NEXN: variants seen among roughly 807,000 people sequenced by gnomAD.
NEXN encodes nexilin.
In NEXN, 65 loss-of-function variants were observed where a neutral mutation model predicts 92.6. The ratio of observed to expected loss-of-function variants is 0.70; its 90% CI spans 0.57 to 0.86. The LOEUF is 0.86. Among genes scored for constraint, NEXN ranks in the 40% least tolerant of loss-of-function variants. The pLI, the probability that NEXN is intolerant of heterozygous loss-of-function variation, is 0.00. For missense variants in NEXN, 778 were observed against 771.1 expected, an observed-to-expected ratio of 1.01 and a Z score of -0.11; for synonymous variants, 254 against 242.5, an observed-to-expected ratio of 1.05 and a Z score of -0.44.
Position 77,918,098 on chromosome 1 carries a change from T to C in NEXN, c.299-27T>C, listed in dbSNP as rs1278943120. On this transcript the variant is annotated intron_variant, in intron 4 of 12. Coordinates refer to ENST00000334785, the MANE Select transcript of NEXN (RefSeq NM_144573.4). ...TGCAAAATAGAAACATAACCAAGTATCAAACTTTTTTTTCATATATTTTTA... is the reference window on the plus strand; with the variant it reads ...TGCAAAATAGAAACATAACCAAGTACCAAACTTTTTTTTCATATATTTTTA... The C allele has an allele frequency of 3.1e-6, 5 of 1,613,182 alleles. No homozygotes were observed. The Admixed American group carries it at 6.7e-5, about 22-fold the overall frequency.
intron 10 of NEXN, among the ~76,000 whole-genome samples, chr1:77,934,597 C>G (rs767651063): frequency 7.2e-5 from 11 of 152,212 alleles, no homozygotes; most frequent in Non-Finnish European, 1.6e-4. Context: ...TTTCATCAGC[C>G]CCCTTTCCCA....
chr1:77,901,324 A>G (rs1190269335), intron 1 of NEXN, among the ~76,000 whole-genome samples: 1 of 152,098 alleles, frequency 6.6e-6, no homozygotes, highest in African/African-American at 2.4e-5. Context: ...AAAATGTAAA[A>G]TTATTTTCCT....
At chr1:77,942,321 T>G in intron 12 of NEXN, 113 bp downstream of exon 12, 3 of 1,376,966 alleles carry the variant, frequency 2.2e-6, no homozygotes, top group Non-Finnish European at 3.1e-6. Context: ...GTCACTGGAA[T>G]GTACTGTTAA....
At chr1:77,928,457 C>T (rs1386929648) in intron 8 of NEXN, among the ~76,000 whole-genome samples, 1 of 151,522 alleles carries the variant, frequency 6.6e-6, no homozygotes. Flanking sequence ...TGTTATTACT[C>T]GGGTATAGCT....
chr1:77,933,181 T>C, intron 9 of NEXN, 101 bp from the exon 10 acceptor site: 1 of 850,214 alleles, frequency 1.2e-6, no homozygotes, highest in Non-Finnish European at 1.9e-6. Flanking sequence ...AAACAAAAAC[T>C]AAAAACAAAC....
rs1464059605 is a variant in NEXN, at chr1:77,919,622, C to T, written c.447+1349C>T. On this transcript the variant is annotated intron_variant, in intron 5 of 12. Transcript: ENST00000334785. ...TTTTGAGACGGAGTTTTGCTCTTGT[C>T]GCCCAGGCTGGAGTGCAATGGCGCA... 5.8e-5 allele frequency among the ~76,000 whole-genome samples: 8 copies of T among 138,826 alleles called. No individual in the cohort carries two copies. The South Asian group carries it at 9.2e-4, about 16-fold the overall frequency. The allele number at this position is 138,826 out of a possible 152,430, so 91.1% of individuals were successfully genotyped here. A position where few individuals can be genotyped will look rare whatever the true frequency, so the allele number is the denominator to read the frequency against.
chr1:77,908,536 G>T (rs998851668), intron 1 of NEXN, among the ~76,000 whole-genome samples: 2 of 151,796 alleles, frequency 1.3e-5, no homozygotes, highest in African/African-American at 2.4e-5. Flanking sequence ...GAGTAGCTGG[G>T]ATTACAGGCA....
At chr1:77,916,317 T>C (rs1292718277) in intron 2 of NEXN, among the ~76,000 whole-genome samples, 184 bp downstream of exon 2, 1 of 152,140 alleles carries the variant, frequency 6.6e-6, no homozygotes, top group Non-Finnish European at 1.5e-5. Flanking sequence ...GTATTTTCAT[T>C]TGGGTTCTAG....
chr1:77,907,180 A>G (rs574604824), intron 1 of NEXN, among the ~76,000 whole-genome samples: 1 of 152,338 alleles, frequency 6.6e-6, no homozygotes, highest in South Asian at 2.1e-4. Context: ...TGACTAGGGA[A>G]CAGAGTTTTC....
At chr1:77,919,524 T>C (rs1054542055) in intron 5 of NEXN, among the ~76,000 whole-genome samples, 1 of 151,446 alleles carries the variant, frequency 6.6e-6, no homozygotes, top group Non-Finnish European at 1.5e-5. Context: ...ATGGGAGAAA[T>C]CATCCAAAAC....
At chr1:77,906,507 T>C (rs978628018) in intron 1 of NEXN, among the ~76,000 whole-genome samples, 2 of 152,218 alleles carry the variant, frequency 1.3e-5, no homozygotes, top group African/African-American at 4.8e-5. Context: ...AAAGTTCTAG[T>C]AGAATATTTT....
At position 77,942,988 on chromosome 1, in the gene NEXN, C is replaced by A. The variant is rs899549666; in HGVS notation, c.*159C>A. On this transcript the variant is annotated 3_prime_UTR_variant, in exon 13 of 13. Coordinates refer to ENST00000334785, the MANE Select transcript of NEXN (RefSeq NM_144573.4). ...TACATCCATCTTTTCTGTGGCGGGG[C>A]CAAAAAAGGAAACCAGGAGTGCCAC... is the stretch of plus-strand genomic sequence containing the variant. The A allele has an allele frequency of 9.9e-7, 1 of 1,009,484 alleles. No individual in the cohort carries two copies. The highest frequency in any genetic ancestry group is 1.5e-6 in the Non-Finnish European group (1 of 670,080). The allele number at this position is 1,009,484 out of a possible 1,614,324, so 62.5% of individuals were successfully genotyped here. A position where few individuals can be genotyped will look rare whatever the true frequency, so the allele number is the denominator to read the frequency against.
chr1:77,913,778 C>T (rs1433911745), intron 1 of NEXN, among the ~76,000 whole-genome samples: 1 of 152,022 alleles, frequency 6.6e-6, no homozygotes, highest in Middle Eastern at 3.2e-3. Context: ...TCCACAAGAA[C>T]CTGCATACAG....
At chr1:77,937,689 A>AAAACAAT (rs998075641) in intron 11 of NEXN, among the ~76,000 whole-genome samples, 1 of 149,616 alleles carries the variant, frequency 6.7e-6, no homozygotes, top group South Asian at 2.1e-4. Flanking sequence ...TCTCCATCTC[A>AAAACAAT]AAAAAATAAA....
At chr1:77,906,228 G>A (rs1648103204) in intron 1 of NEXN, among the ~76,000 whole-genome samples, 1 of 152,058 alleles carries the variant, frequency 6.6e-6, no homozygotes, top group African/African-American at 2.4e-5. Flanking sequence ...TCAGAAAAAG[G>A]GAACTGTTCA....
At chr1:77,917,235 CAAT>C (rs1214153941) in intron 2 of NEXN, among the ~76,000 whole-genome samples, 3 of 152,110 alleles carry the variant, frequency 2.0e-5, no homozygotes, top group Non-Finnish European at 1.5e-5. Context: ...TGGAGTTAGA[CAAT>C]AAAAGACAGT....
chr1:77,911,524 G>A (rs1309807040), intron 1 of NEXN, among the ~76,000 whole-genome samples: 1 of 151,398 alleles, frequency 6.6e-6, no homozygotes, highest in African/African-American at 2.4e-5. Flanking sequence ...CCCAGGAGGT[G>A]GAGGTTGCAG....
At chr1:77,889,889 TAAAC>T (rs1425360339) in intron 1 of NEXN, among the ~76,000 whole-genome samples, 1 of 152,230 alleles carries the variant, frequency 6.6e-6, no homozygotes, top group East Asian at 1.9e-4. Context: ...TGTGATTAAA[TAAAC>T]TTAAGTATTT....
At chr1:77,908,662 A>G (rs972360025) in intron 1 of NEXN, among the ~76,000 whole-genome samples, 1 of 152,032 alleles carries the variant, frequency 6.6e-6, no homozygotes, top group African/African-American at 2.4e-5. Context: ...AACCTCCCAA[A>G]GTGCTGGGAT....
Sources: allele counts gnomAD v4.1 joint callset (sites outside exome capture counted in the v4.1 genomes callset), GRCh38; gene constraint gnomAD v4.1.1; transcripts MANE v1.5; gene names NCBI Gene and HGNC (gene_info 2026-07-23, HGNC 2026-07-21).